The following KHDRBS2 variants were observed in gnomAD, a reference collection of about 807,000 sequenced individuals.
KHDRBS2 encodes the protein KH domain-containing, RNA-binding, signal transduction-associated protein 2.
In KHDRBS2, 26 loss-of-function variants were observed where a neutral mutation model predicts 44.3. That is an observed-to-expected ratio of 0.59 (90% CI 0.43 to 0.81). The LOEUF is 0.81. KHDRBS2 is among the 40% of genes least tolerant of loss of function. The probability of loss-of-function intolerance (pLI) is 0.00; values close to 1 mark genes in which losing one functional copy is unlikely to be tolerated. For synonymous variants in KHDRBS2, 194 were observed against 151.1 expected, an observed-to-expected ratio of 1.28 and a Z score of -2.08; for missense variants, 476 against 433.1, an observed-to-expected ratio of 1.10 and a Z score of -0.88.
intron 7 of KHDRBS2, among the ~76,000 whole-genome samples, chr6:61,709,228 A>C (rs1213031622): frequency 6.6e-6 from 1 of 151,660 alleles, no homozygotes; most frequent in Non-Finnish European, 1.5e-5. Flanking sequence ...AAATATTCTG[A>C]AACATGAAAT....
At chr6:62,069,156 C>T (rs920979859) in intron 2 of KHDRBS2, among the ~76,000 whole-genome samples, 2 of 151,540 alleles carry the variant, frequency 1.3e-5, no homozygotes, top group Non-Finnish European at 3.0e-5. Flanking sequence ...CTTTGGAGTC[C>T]TCAATGACTT....
intron 1 of KHDRBS2, among the ~76,000 whole-genome samples, chr6:62,232,335 T>C (rs940688664): frequency 1.3e-5 from 2 of 152,140 alleles, no homozygotes; most frequent in Non-Finnish European, 2.9e-5. Flanking sequence ...ATTGAATAAA[T>C]GTCAGAAAAT....
chr6:62,203,123 C>T lies in KHDRBS2; in HGVS notation c.92-25811G>A, dbSNP rs185009785. Among the ~76,000 whole-genome samples the T allele has an allele frequency of 7.4e-4, 113 of 152,126 alleles. 1 individual carries two copies. Among genetic ancestry groups the T allele is most frequent in the African/African-American group, 1.3e-3 (54 of 41,480 alleles). On this transcript the variant is annotated intron_variant, in intron 1 of 8. Coordinates refer to ENST00000281156, the MANE Select transcript of KHDRBS2 (RefSeq NM_152688.4). ...AGTAGAAGGAGCCAGGGGAAGCAAGCGTGGGAGGAGAGTGGAGAGGTATCC... is the reference window on the plus strand; with the variant it reads ...AGTAGAAGGAGCCAGGGGAAGCAAGTGTGGGAGGAGAGTGGAGAGGTATCC...
chr6:62,022,913 A>G (rs537013443), intron 3 of KHDRBS2, among the ~76,000 whole-genome samples: 1 of 151,836 alleles, frequency 6.6e-6, no homozygotes, highest in African/African-American at 2.4e-5. Flanking sequence ...AAGAGCTCTC[A>G]GGAAACTGGC....
At chr6:61,544,650 T>C in the KHDRBS2 span, among the ~76,000 whole-genome samples, 2 of 152,102 alleles carry the variant, frequency 1.3e-5, no homozygotes, top group African/African-American at 2.4e-5. Context: ...CTACATTAGA[T>C]AAGAGGCTCA....
chr6:61,759,164 T>C (rs557979648), intron 6 of KHDRBS2, among the ~76,000 whole-genome samples: 6 of 152,150 alleles, frequency 3.9e-5, no homozygotes, highest in African/African-American at 1.4e-4. Flanking sequence ...ATTTCTTTGT[T>C]CAAAAGAGAA....
intron 2 of KHDRBS2, among the ~76,000 whole-genome samples, chr6:62,056,790 T>C (rs1292371762): frequency 6.6e-6 from 1 of 151,972 alleles, no homozygotes; most frequent in Non-Finnish European, 1.5e-5. Context: ...CTTAAGACTA[T>C]GAAAAGAGAA....
the KHDRBS2 span, among the ~76,000 whole-genome samples, chr6:61,593,453 C>A: frequency 6.9e-6 from 1 of 144,022 alleles, no homozygotes; most frequent in Non-Finnish European, 1.5e-5. Context: ...GAGCTGGAAT[C>A]TCATTACAAA....
chr6:61,610,885 C>A, the KHDRBS2 span, among the ~76,000 whole-genome samples: 32 of 152,162 alleles, frequency 2.1e-4, no homozygotes, highest in Admixed American at 1.9e-3. Context: ...GGAATCCACT[C>A]TTATAACTTA....
At chr6:61,941,858 G>A (rs536359889) in intron 4 of KHDRBS2, among the ~76,000 whole-genome samples, 1 of 152,228 alleles carries the variant, frequency 6.6e-6, no homozygotes, top group African/African-American at 2.4e-5. Flanking sequence ...ACATAAAAAA[G>A]CAAGGGAACA....
At chr6:61,992,230 C>T (rs1776270898) in intron 3 of KHDRBS2, among the ~76,000 whole-genome samples, 1 of 152,140 alleles carries the variant, frequency 6.6e-6, no homozygotes, top group Non-Finnish European at 1.5e-5. Flanking sequence ...CAATTTTATC[C>T]TGGCATTTCA....
the KHDRBS2 span, among the ~76,000 whole-genome samples, chr6:61,564,524 C>T: frequency 6.6e-6 from 1 of 152,108 alleles, no homozygotes; most frequent in Admixed American, 6.5e-5. Context: ...TGAGTACCTC[C>T]CTCCTTTATA....
chr6:62,077,004 T>C (rs1796474791), intron 2 of KHDRBS2, among the ~76,000 whole-genome samples: 1 of 151,864 alleles, frequency 6.6e-6, no homozygotes, highest in African/African-American at 2.4e-5. Context: ...TATGATTCCA[T>C]CACTCTGCTC....
At chr6:61,550,441 T>C in the KHDRBS2 span, among the ~76,000 whole-genome samples, 3 of 152,182 alleles carry the variant, frequency 2.0e-5, no homozygotes, top group Non-Finnish European at 4.4e-5. Flanking sequence ...GTCTACAATT[T>C]ATGGACATTT....
chr6:61,906,586 T>C (rs1327590400), intron 4 of KHDRBS2, among the ~76,000 whole-genome samples: 1 of 152,192 alleles, frequency 6.6e-6, no homozygotes, highest in East Asian at 1.9e-4. Context: ...ACCATCATTC[T>C]ACTCTATCTC....
chr6:62,154,528 A>G (rs208990), intron 2 of KHDRBS2, among the ~76,000 whole-genome samples: 121,435 of 152,126 alleles, frequency 0.8, 49,110 homozygotes, highest in African/African-American at 0.93. Flanking sequence ...TTTATAAGCC[A>G]TCTCAATCTC....
chr6:62,114,306 T>C (rs776317640), intron 2 of KHDRBS2, among the ~76,000 whole-genome samples: 10 of 152,108 alleles, frequency 6.6e-5, no homozygotes, highest in Non-Finnish European at 1.2e-4. Flanking sequence ...AAAACATTTA[T>C]TTGTATAAAG....
chr6:61,630,590 T>A, the KHDRBS2 span: 2 of 152,226 alleles, frequency 1.3e-5, no homozygotes, highest in South Asian at 2.1e-4. Flanking sequence ...CAATGGTGAG[T>A]TGTATGCTTA....
chr6:62,256,933 T>C (rs1837484389), intron 1 of KHDRBS2, among the ~76,000 whole-genome samples: 2 of 152,042 alleles, frequency 1.3e-5, no homozygotes, highest in African/African-American at 4.8e-5. Context: ...TGCAGATGCT[T>C]AACAAGGTAG....
Sources: gnomAD v4.1 joint callset for allele counts (sites outside exome capture counted in the v4.1 genomes callset) on GRCh38, gnomAD v4.1.1 for gene constraint, MANE v1.5 for transcripts, NCBI Gene and HGNC (gene_info 2026-07-23, HGNC 2026-07-21) for gene names.